Variants in LMX1B observed in about 807,000 individuals in gnomAD.
LMX1B encodes the protein LIM homeobox transcription factor 1-beta.
A neutral mutation model predicts 51.4 loss-of-function variants in LMX1B; 12 were observed. That is an observed-to-expected ratio of 0.23 (90% confidence interval 0.15 to 0.38). The LOEUF (loss-of-function observed/expected upper bound fraction) is 0.38, where lower values mean the gene tolerates loss of function less well. Ranked by LOEUF, LMX1B falls within the 10% of genes least tolerant of loss-of-function variation. The probability of loss-of-function intolerance (pLI) is 1.00; values close to 1 mark genes in which losing one functional copy is unlikely to be tolerated. For synonymous variants in LMX1B, 237 were observed against 235.4 expected, an observed-to-expected ratio of 1.01 and a Z score of -0.06; for missense variants, 445 against 571.1, an observed-to-expected ratio of 0.78 and a Z score of 2.25.
chr9:126,697,635 T>A lies in LMX1B; in HGVS notation c.*1184T>A, dbSNP rs2030387945. The A allele has an allele frequency of 1.3e-5, 2 of 152,328 alleles. No individual in the cohort carries two copies. The highest frequency in any genetic ancestry group is 4.8e-5 in the African/African-American group (2 of 41,464). The allele number at this position is 152,328 out of a possible 1,614,324, so 9.4% of individuals were successfully genotyped here. On this transcript the variant is annotated 3_prime_UTR_variant, in exon 8 of 8. Transcript: ENST00000373474. Reference sequence around the variant, plus strand: ...GTATCACTTCACCTTCCCACTGATGTCAGCCGGCCAGAAGTGAGCAGGCAC... The same window carrying A: ...GTATCACTTCACCTTCCCACTGATGACAGCCGGCCAGAAGTGAGCAGGCAC...
Position 126,696,623 on chromosome 9 carries a change from C to CGGT in LMX1B, c.*173_*175dup. 4.4e-6 allele frequency: 3 copies of CGGT among 676,140 alleles called. No individual in the cohort carries two copies. In the South Asian group the frequency reaches 5.4e-5, roughly 12 times the overall value. 41.9% of individuals were successfully genotyped at this position (676,140 alleles called of 1,614,324 possible). On this transcript the variant is annotated 3_prime_UTR_variant, in exon 8 of 8. Coordinates refer to ENST00000373474, the MANE Select transcript of LMX1B (RefSeq NM_001174147.2). The stretch of plus-strand genomic sequence containing the variant: ...CTGTGCCCGTTGGGTACAGCCAGAC[C>CGGT]GGTAGATGGGCACAGCCTGGGCAGG...
At chr9:126,638,723 C>T (rs2118876156) in intron 2 of LMX1B, among the ~76,000 whole-genome samples, 1 of 152,268 alleles carries the variant, frequency 6.6e-6, no homozygotes, top group Admixed American at 6.5e-5. Context: ...CTGTGCTCTT[C>T]GGAGCGCGCT....
At chr9:126,681,110 G>C (rs1836661883) in intron 2 of LMX1B, among the ~76,000 whole-genome samples, 1 of 152,192 alleles carries the variant, frequency 6.6e-6, no homozygotes, top group African/African-American at 2.4e-5. Context: ...CCAGTTGTCA[G>C]ATGCCAAGCC....
chr9:126,637,487 T>G, intron 2 of LMX1B, among the ~76,000 whole-genome samples: 1 of 149,474 alleles, frequency 6.7e-6, no homozygotes, highest in Non-Finnish European at 1.5e-5. Flanking sequence ...GGTGGGGGGT[T>G]GTGGGTGATT....
intron 1 of LMX1B, 69 bp downstream of exon 1, chr9:126,614,657 G>C: frequency 2.1e-6 from 3 of 1,422,204 alleles, no homozygotes; most frequent in Non-Finnish European, 2.8e-6. Flanking sequence ...CTGTGGACAC[G>C]GGCGTTGGGG....
At chr9:126,668,928 G>A (rs1588291825) in intron 2 of LMX1B, among the ~76,000 whole-genome samples, 1 of 152,234 alleles carries the variant, frequency 6.6e-6, no homozygotes, top group Admixed American at 6.5e-5. Flanking sequence ...GTTGGGAAAA[G>A]CATGCCGCAC....
intron 2 of LMX1B, among the ~76,000 whole-genome samples, chr9:126,689,618 G>A (rs1324886790): frequency 1.3e-5 from 2 of 152,222 alleles, no homozygotes; most frequent in Non-Finnish European, 2.9e-5. Flanking sequence ...GGGAGGAGCG[G>A]TCAGCAGACA....
chr9:126,633,866 A>G (rs924021618), intron 2 of LMX1B, among the ~76,000 whole-genome samples: 5 of 152,162 alleles, frequency 3.3e-5, no homozygotes, highest in African/African-American at 1.2e-4. Context: ...GCCTGTTATT[A>G]TCCCCATTTC....
chr9:126,622,005 T>C (rs1229222572), intron 2 of LMX1B, among the ~76,000 whole-genome samples: 1 of 152,166 alleles, frequency 6.6e-6, no homozygotes, highest in Non-Finnish European at 1.5e-5. Context: ...TCCTTTGTTA[T>C]TCCCTGGATA....
intron 2 of LMX1B, among the ~76,000 whole-genome samples, chr9:126,665,606 C>T (rs1291859453): frequency 3.3e-5 from 5 of 152,176 alleles, no homozygotes; most frequent in South Asian, 2.1e-4. Flanking sequence ...GCTGCAGGGG[C>T]GGGGTTGCCC....
rs1041093061 is a variant in LMX1B at position 126,671,246 on chromosome 9, G to A, written c.327-19590G>A. Among the ~76,000 whole-genome samples the A allele has an allele frequency of 6.6e-6, 1 of 152,214 alleles. No homozygotes were observed. Among genetic ancestry groups the A allele is most frequent in the African/African-American group, 2.4e-5 (1 of 41,446 alleles). ...GGGAGGGGACCCCGCTCGGAAATCG[G>A]TCATAAATTTCTTGAGATGCTTTAA... On this transcript the variant is annotated intron_variant, in intron 2 of 7. Transcript: ENST00000373474. The surrounding 1 kb of genome is among the most constrained non-coding windows in gnomAD (Gnocchi z 4.4).
chr9:126,676,130 T>A (rs1319784777), intron 2 of LMX1B, among the ~76,000 whole-genome samples: 1 of 151,972 alleles, frequency 6.6e-6, no homozygotes, highest in Admixed American at 6.6e-5. Flanking sequence ...CCCAGCTTCC[T>A]CTTGCTCCAG....
At chr9:126,680,801 A>G (rs1836656552) in intron 2 of LMX1B, among the ~76,000 whole-genome samples, 1 of 152,198 alleles carries the variant, frequency 6.6e-6, no homozygotes, top group Admixed American at 6.5e-5. Flanking sequence ...AGGTCATGAA[A>G]TAGTACAGGT....
intron 2 of LMX1B, among the ~76,000 whole-genome samples, chr9:126,672,127 C>T (rs1193092247): frequency 2.6e-5 from 4 of 152,230 alleles, no homozygotes; most frequent in African/African-American, 9.7e-5. Flanking sequence ...TTGGAAGGAC[C>T]GGGTTCAAAT....
At position 126,697,924 on chromosome 9, in the gene LMX1B, G is replaced by A. The variant is rs13299609; in HGVS notation, c.*1473G>A. 16,898 of 157,004 alleles carry A rather than the reference G, an allele frequency of 0.11. 1,185 individuals carry two copies. Among genetic ancestry groups the A allele is most frequent in the East Asian group, 0.35 (1,829 of 5,248 alleles). 9.7% of individuals were successfully genotyped at this position (157,004 alleles called of 1,614,324 possible). A position where few individuals can be genotyped will look rare whatever the true frequency, so the allele number is the denominator to read the frequency against. On this transcript the variant is annotated 3_prime_UTR_variant, in exon 8 of 8. Coordinates refer to ENST00000373474, the MANE Select transcript of LMX1B (RefSeq NM_001174147.2). Reference sequence around the variant, plus strand: ...GAGTTTCGCTCTTGTTGCCCAGGCTGGAGTGCAATGGCGCGATCTCGGCTC... The same window carrying A: ...GAGTTTCGCTCTTGTTGCCCAGGCTAGAGTGCAATGGCGCGATCTCGGCTC...
At chr9:126,634,074 G>A (rs900461151) in intron 2 of LMX1B, among the ~76,000 whole-genome samples, 3 of 152,112 alleles carry the variant, frequency 2.0e-5, no homozygotes, top group Non-Finnish European at 2.9e-5. Flanking sequence ...GAAGAAGGAA[G>A]CCCAGCTCAC....
intron 2 of LMX1B, among the ~76,000 whole-genome samples, chr9:126,662,065 G>A (rs1209871621): frequency 2.0e-5 from 3 of 152,328 alleles, no homozygotes; most frequent in African/African-American, 4.8e-5. Context: ...CCTCCCCCAC[G>A]CAGCGCCCTG....
chr9:126,635,683 G>A (rs913684676), intron 2 of LMX1B, among the ~76,000 whole-genome samples: 6 of 152,338 alleles, frequency 3.9e-5, no homozygotes, highest in African/African-American at 1.4e-4. Context: ...ATGATGATTA[G>A]CCAAGTCTCA....
chr9:126,692,955 G>T lies in LMX1B; in HGVS notation c.560-187G>T, dbSNP rs535902962. Among the ~76,000 whole-genome samples, 174 of 152,318 alleles carry T rather than the reference G, an allele frequency of 1.1e-3. 1 individual carries two copies. The highest frequency in any genetic ancestry group is 1.9e-3 in the South Asian group (9 of 4,830). On this transcript the variant is annotated intron_variant, in intron 3 of 7. Transcript: ENST00000373474. ...AGGGTACAGCAGGCAGGAGACCAGG[G>T]CCCAGATGAGGTAGGGCCTGTGGGC...
Sources: allele counts gnomAD v4.1 joint callset (sites outside exome capture counted in the v4.1 genomes callset), GRCh38; gene constraint gnomAD v4.1.1; non-coding constraint Gnocchi (gnomAD v3.1); transcripts MANE v1.5; gene names NCBI Gene and HGNC (gene_info 2026-07-23, HGNC 2026-07-21).